Variants in ETFA observed in about 807,000 individuals in gnomAD.
ETFA encodes the protein electron transfer flavoprotein subunit alpha, mitochondrial.
In ETFA, 22 loss-of-function variants were observed where a neutral mutation model predicts 46.2. The observed-to-expected ratio is 0.48, with a 90% CI of 0.34 to 0.68. ETFA has a LOEUF of 0.68. Ranked by LOEUF, ETFA falls within the 30% of genes least tolerant of loss-of-function variation. ETFA has a pLI of 0.01. For missense variants in ETFA, 345 were observed against 401.1 expected (o/e 0.86, Z 1.19); for synonymous variants, 131 against 139.9 (o/e 0.94, Z 0.45).
At chr15:76,260,867 G>T (rs1186656013) in intron 9 of ETFA, 4 of 1,611,774 alleles carry the variant, frequency 2.5e-6, no homozygotes, top group African/African-American at 1.3e-5. Context: ...GGCAGGTAAA[G>T]GGGGGCACAA....
At chr15:76,243,524 G>A (rs928560109) in intron 9 of ETFA, among the ~76,000 whole-genome samples, 7 of 151,754 alleles carry the variant, frequency 4.6e-5, no homozygotes, top group African/African-American at 1.7e-4. Context: ...CAGGCCAGGC[G>A]CAGTAGCTCA....
intron 9 of ETFA, among the ~76,000 whole-genome samples, chr15:76,271,553 T>C (rs1402716129): frequency 6.6e-6 from 1 of 152,222 alleles, no homozygotes; most frequent in African/African-American, 2.4e-5. Context: ...ACAGTTAAAA[T>C]GTAATATGTG....
intron 11 of ETFA, among the ~76,000 whole-genome samples, chr15:76,225,588 C>T (rs1004781765): frequency 7.2e-5 from 11 of 152,164 alleles, no homozygotes; most frequent in South Asian, 2.1e-4. Flanking sequence ...CACGCCCGGC[C>T]GCCATGTGGA....
At chr15:76,264,420 T>G (rs1330082990) in intron 9 of ETFA, among the ~76,000 whole-genome samples, 3 of 152,078 alleles carry the variant, frequency 2.0e-5, no homozygotes, top group Admixed American at 2.0e-4. Context: ...TAATGGAGGG[T>G]GTTGCCATTG....
chr15:76,220,462 T>G (rs2038946241), intron 11 of ETFA, among the ~76,000 whole-genome samples: 2 of 152,230 alleles, frequency 1.3e-5, no homozygotes, highest in South Asian at 2.1e-4. Flanking sequence ...ATTTTAAAAC[T>G]TTTTCTCCCC....
chr15:76,231,880 G>A (rs973224484), intron 9 of ETFA, among the ~76,000 whole-genome samples: 4 of 152,006 alleles, frequency 2.6e-5, no homozygotes, highest in East Asian at 1.9e-4. Context: ...TTAGTTGTTC[G>A]CCTTATCACA....
chr15:76,269,107 T>G (rs2039502481), intron 9 of ETFA, among the ~76,000 whole-genome samples: 1 of 152,196 alleles, frequency 6.6e-6, no homozygotes, highest in South Asian at 2.1e-4. Context: ...TTTGTTCTAA[T>G]AATTATGTGC....
At chr15:76,244,774 A>AT (rs1400971671) in intron 9 of ETFA, among the ~76,000 whole-genome samples, 1 of 152,212 alleles carries the variant, frequency 6.6e-6, no homozygotes, top group Non-Finnish European at 1.5e-5. Context: ...GTCTACTCTT[A>AT]TTGATTTTCA....
intron 9 of ETFA, chr15:76,260,164 C>A (rs2039392203): frequency 1.4e-6 from 2 of 1,444,574 alleles, no homozygotes; most frequent in Non-Finnish European, 9.7e-7. Context: ...AACTGCTGCT[C>A]TGGGATGAGC....
chr15:76,306,239 T>A (rs1327356008), intron 1 of ETFA, among the ~76,000 whole-genome samples: 2 of 147,732 alleles, frequency 1.4e-5, no homozygotes, highest in African/African-American at 4.9e-5. Flanking sequence ...AATGAGGGTA[T>A]AGAGGGCAGG....
At chr15:76,243,609 G>T (rs1049951553) in intron 9 of ETFA, among the ~76,000 whole-genome samples, 4 of 151,908 alleles carry the variant, frequency 2.6e-5, no homozygotes, top group Non-Finnish European at 5.9e-5. Context: ...GACCAGCCTG[G>T]CCAACGTGGC....
rs549602177 is a variant in ETFA, at chr15:76,237,963, G to T, written c.817-6565C>A. Among the ~76,000 whole-genome samples the T allele has an allele frequency of 8.2e-4, 125 of 152,254 alleles. 1 individual carries two copies. The highest frequency in any genetic ancestry group is 3.4e-3 in the Middle Eastern group (1 of 294). On this transcript the variant is annotated intron_variant, in intron 9 of 11. Transcript: ENST00000557943. ...CTGCCCAGCTTCCTAGCCAGTGCTTGCCTAGGAAGTTGGGATGATTTCTTT... is the reference window on the plus strand; with the variant it reads ...CTGCCCAGCTTCCTAGCCAGTGCTTTCCTAGGAAGTTGGGATGATTTCTTT...
chr15:76,225,570 T>A (rs111370816), intron 11 of ETFA, among the ~76,000 whole-genome samples: 71 of 152,224 alleles, frequency 4.7e-4, no homozygotes, highest in African/African-American at 1.6e-3. Context: ...ATTACAGGTG[T>A]GAGCCACCAC....
chr15:76,271,452 A>G (rs569918910), intron 9 of ETFA, among the ~76,000 whole-genome samples: 173 of 152,238 alleles, frequency 1.1e-3, no homozygotes, highest in Non-Finnish European at 2.0e-3. Context: ...GGGACATTCT[A>G]TAAAACAGCT....
At chr15:76,301,710 CAAAACA>C (rs1390794623) in intron 1 of ETFA, among the ~76,000 whole-genome samples, 1 of 44,956 alleles carries the variant, frequency 2.2e-5, no homozygotes, top group African/African-American at 1.9e-4. Context: ...CATCTCAAAA[CAAAACA>C]AAACAAAACA....
intron 9 of ETFA, among the ~76,000 whole-genome samples, chr15:76,263,151 GTTTC>G (rs2039434216): frequency 6.6e-6 from 1 of 152,294 alleles, no homozygotes; most frequent in South Asian, 2.1e-4. Flanking sequence ...CTCACCACCT[GTTTC>G]TTTGTTTGAT....
At chr15:76,302,588 A>G (rs1167654154) in intron 1 of ETFA, among the ~76,000 whole-genome samples, 1 of 152,138 alleles carries the variant, frequency 6.6e-6, no homozygotes, top group Non-Finnish European at 1.5e-5. Flanking sequence ...GTATGATATA[A>G]TAATGGTAGA....
intron 11 of ETFA, among the ~76,000 whole-genome samples, chr15:76,218,531 A>G (rs1016514213): frequency 7.9e-5 from 12 of 152,360 alleles, no homozygotes; most frequent in African/African-American, 1.9e-4. Context: ...TCAGGCTCCC[A>G]AAGTGCTGGG....
At chr15:76,240,075 T>C (rs1014228157) in intron 9 of ETFA, among the ~76,000 whole-genome samples, 1 of 152,238 alleles carries the variant, frequency 6.6e-6, no homozygotes, top group Admixed American at 6.5e-5. Context: ...TGTTTCTTTC[T>C]TTTAATTTAT....
Sources: allele counts gnomAD v4.1 joint callset (sites outside exome capture counted in the v4.1 genomes callset), GRCh38; gene constraint gnomAD v4.1.1; transcripts MANE v1.5; gene names NCBI Gene and HGNC (gene_info 2026-07-23, HGNC 2026-07-21).